The following DLG1 variants were observed in gnomAD, a reference collection of about 807,000 sequenced individuals.
DLG1 encodes discs large MAGUK scaffold protein 1, also known as disks large homolog 1.
DLG1 carries 42 observed loss-of-function variants against 123.4 expected under a neutral mutation model. That is an observed-to-expected ratio of 0.34 (90% CI 0.27 to 0.44). DLG1 has a LOEUF of 0.44. DLG1 is among the 20% of genes least tolerant of loss of function. DLG1 has a pLI of 1.00. For synonymous variants in DLG1, 317 were observed against 356.2 expected (o/e 0.89, Z 1.24); for missense variants, 942 against 1,082.6 (o/e 0.87, Z 1.82).
At chr3:197,232,705 T>TGG (rs1392615881) in intron 4 of DLG1, among the ~76,000 whole-genome samples, 5 of 151,428 alleles carry the variant, frequency 3.3e-5, no homozygotes, top group African/African-American at 1.2e-4. Flanking sequence ...TAAGGCTACA[T>TGG]GATATGCAAC....
intron 4 of DLG1, among the ~76,000 whole-genome samples, chr3:197,258,419 T>C (rs908586868): frequency 6.1e-5 from 5 of 82,134 alleles, no homozygotes; most frequent in South Asian, 4.5e-4. Context: ...GAAGAACATA[T>C]AGTTATGGGG....
rs533425066 is a variant in DLG1, at chr3:197,085,331, C to T, written c.1838+249G>A. 2.7e-4 allele frequency: 118 copies of T among 445,100 alleles called. 1 individual carries two copies. Among genetic ancestry groups the T allele is most frequent in the South Asian group, 6.5e-4 (30 of 45,850 alleles). The allele number at this position is 445,100 out of a possible 1,614,324, so 27.6% of individuals were successfully genotyped here. A position where few individuals can be genotyped will look rare whatever the true frequency, so the allele number is the denominator to read the frequency against. On this transcript the variant is annotated intron_variant, in intron 16 of 24. Transcript: ENST00000667157. Reference sequence around the variant, plus strand: ...TGCAGAACTCACTCATCTTGTGTCACGGAAACTTTGTATCTCATTTCCCCA... The same window carrying T: ...TGCAGAACTCACTCATCTTGTGTCATGGAAACTTTGTATCTCATTTCCCCA...
At chr3:197,148,412 A>G (rs973805765) in intron 6 of DLG1, among the ~76,000 whole-genome samples, 107 of 124,924 alleles carry the variant, frequency 8.6e-4, no homozygotes, top group African/African-American at 3.1e-3. Flanking sequence ...CTGTCTCAAG[A>G]AAAAAAAAAA....
chr3:197,264,424 G>T (rs531508832), intron 4 of DLG1, among the ~76,000 whole-genome samples: 107 of 152,174 alleles, frequency 7.0e-4, no homozygotes, highest in African/African-American at 2.4e-3. Context: ...TTCAGATTTT[G>T]TTATCTTTTG....
At chr3:197,193,721 TAAGA>T (rs1251421296) in intron 5 of DLG1, among the ~76,000 whole-genome samples, 2 of 151,914 alleles carry the variant, frequency 1.3e-5, no homozygotes, top group East Asian at 3.9e-4. Flanking sequence ...AGAACTTTAA[TAAGA>T]AAGGGTAAAT....
At chr3:197,091,671 T>C (rs1757801633) in intron 14 of DLG1, among the ~76,000 whole-genome samples, 1 of 152,068 alleles carries the variant, frequency 6.6e-6, no homozygotes. Flanking sequence ...AAATGGACAA[T>C]TTAAAGCTAC....
At chr3:197,213,580 A>C (rs1337925891) in intron 4 of DLG1, among the ~76,000 whole-genome samples, 1 of 152,374 alleles carries the variant, frequency 6.6e-6, no homozygotes, top group Non-Finnish European at 1.5e-5. Flanking sequence ...AAAAATGATT[A>C]AACAAAATAG....
chr3:197,283,965 G>A (rs1467372332), intron 3 of DLG1, among the ~76,000 whole-genome samples: 2 of 149,892 alleles, frequency 1.3e-5, no homozygotes, highest in African/African-American at 2.5e-5. Context: ...GGGTTCATGC[G>A]ATTCTCCTGA....
chr3:197,080,678 T>C, intron 17 of DLG1: 1 of 156,384 alleles, frequency 6.4e-6, no homozygotes, highest in Non-Finnish European at 1.4e-5. Flanking sequence ...GCCAGGCCGG[T>C]CTCTAACTCC....
intron 4 of DLG1, among the ~76,000 whole-genome samples, chr3:197,238,076 T>C (rs916989950): frequency 1.3e-5 from 2 of 152,174 alleles, no homozygotes; most frequent in African/African-American, 4.8e-5. Context: ...GTATTCTCTC[T>C]TAGGTGTGGA....
chr3:197,270,010 GT>G, intron 4 of DLG1, among the ~76,000 whole-genome samples: 1 of 152,166 alleles, frequency 6.6e-6, no homozygotes, highest in South Asian at 2.1e-4. Flanking sequence ...TATTTTACCA[GT>G]TCTGGGGCAA....
intron 14 of DLG1, 114 bp from the exon 15 acceptor site, chr3:197,091,140 T>C (rs1336422190): frequency 3.3e-6 from 2 of 612,836 alleles, no homozygotes; most frequent in Non-Finnish European, 5.4e-6. Context: ...GTTAGAACCT[T>C]AAAATAGTAA....
intron 17 of DLG1, chr3:197,080,381 C>G (rs1224422215): frequency 2.2e-5 from 3 of 135,320 alleles, no homozygotes; most frequent in Non-Finnish European, 3.1e-5. Flanking sequence ...TGGGCTTAAG[C>G]AATCCTTTCA....
In DLG1 at chr3:197,252,385, T is replaced by C. The variant is rs187562747; in HGVS notation, c.318+30294A>G. On this transcript the variant is annotated intron_variant, in intron 4 of 24. Coordinates refer to ENST00000667157, the MANE Select transcript of DLG1 (RefSeq NM_001366207.1). Reference sequence around the variant, plus strand: ...CGAAAAATGTGGTATAGACATATAATAGAATATTATTCAGCTTTAAAAGGG... The same window carrying C: ...CGAAAAATGTGGTATAGACATATAACAGAATATTATTCAGCTTTAAAAGGG... Among the ~76,000 whole-genome samples, 153 of 152,296 alleles carry C rather than the reference T, an allele frequency of 1.0e-3. 2 individuals are homozygous for C. Among genetic ancestry groups the C allele is most frequent in the African/African-American group, 3.3e-3 (138 of 41,572 alleles).
intron 4 of DLG1, among the ~76,000 whole-genome samples, chr3:197,243,071 C>T (rs1327945383): frequency 6.6e-6 from 1 of 152,154 alleles, no homozygotes; most frequent in Non-Finnish European, 1.5e-5. Flanking sequence ...GTTACGATCG[C>T]AAGAGCACAC....
At chr3:197,189,454 G>A (rs893213474) in intron 5 of DLG1, among the ~76,000 whole-genome samples, 40 of 152,234 alleles carry the variant, frequency 2.6e-4, no homozygotes, top group African/African-American at 9.4e-4. Context: ...AAATGATAGA[G>A]AATACACACA....
intron 16 of DLG1, among the ~76,000 whole-genome samples, chr3:197,082,683 G>A (rs1306886126): frequency 1.3e-5 from 2 of 152,140 alleles, no homozygotes; most frequent in African/African-American, 4.8e-5. Context: ...TTAAGAAAAG[G>A]TAAGTTTTGA....
At chr3:197,079,013 A>G (rs1749172372) in intron 17 of DLG1, among the ~76,000 whole-genome samples, 1 of 152,106 alleles carries the variant, frequency 6.6e-6, no homozygotes, top group African/African-American at 2.4e-5. Context: ...TATTAGTTGT[A>G]TCACATTTAA....
intron 5 of DLG1, among the ~76,000 whole-genome samples, chr3:197,170,082 G>C (rs964248491): frequency 1.3e-5 from 2 of 152,136 alleles, no homozygotes; most frequent in African/African-American, 2.4e-5. Context: ...TTCTGCAAAG[G>C]ACAAGATCTC....
Sources: allele counts gnomAD v4.1 joint callset (sites outside exome capture counted in the v4.1 genomes callset), GRCh38; gene constraint gnomAD v4.1.1; transcripts MANE v1.5; gene names NCBI Gene and HGNC (gene_info 2026-07-23, HGNC 2026-07-21).